SREBF2: variants seen among roughly 807,000 people sequenced by gnomAD.
SREBF2 encodes the protein sterol regulatory element-binding protein 2.
SREBF2 carries 55 observed loss-of-function variants against 113.1 expected under a neutral mutation model. That is an observed-to-expected ratio of 0.49 (90% confidence interval 0.39 to 0.61). SREBF2 has a LOEUF of 0.61. Ranked by LOEUF, SREBF2 falls within the 20% of genes least tolerant of loss-of-function variation. The pLI, the probability that SREBF2 is intolerant of heterozygous loss-of-function variation, is 0.00. For missense variants in SREBF2, 1,349 were observed against 1,487.4 expected, an observed-to-expected ratio of 0.91 and a Z score of 1.53; for synonymous variants, 593 against 605.7, an observed-to-expected ratio of 0.98 and a Z score of 0.31.
chr22:41,885,122 T>G, intron 11 of SREBF2, 111 bp downstream of exon 11: 1 of 1,304,728 alleles, frequency 7.7e-7, no homozygotes, highest in African/African-American at 1.5e-5. Context: ...GCTGCCCACC[T>G]GGAGGGGTAG....
intron 10 of SREBF2, among the ~76,000 whole-genome samples, chr22:41,882,643 T>A (rs1470985947): frequency 1.3e-5 from 2 of 152,104 alleles, no homozygotes; most frequent in Non-Finnish European, 2.9e-5. Context: ...CTGTCTCTAC[T>A]AAAAATACAA....
rs199794703 is a variant in SREBF2 at position 41,903,173 on chromosome 22, G to A, written c.3093+18G>A. On this transcript the variant is annotated intron_variant, in intron 17 of 18. Coordinates refer to ENST00000361204, the MANE Select transcript of SREBF2 (RefSeq NM_004599.4). ...ACCGCAAGGTGAGGCCCAGCTGGCT[G>A]GTGGGGCAGGGCAGATTGGAGCCTG... The A allele has an allele frequency of 1.3e-6, 2 of 1,547,366 alleles. No individual in the cohort carries two copies. The highest frequency in any genetic ancestry group is 1.4e-5 in the African/African-American group (1 of 73,042).
intron 1 of SREBF2, among the ~76,000 whole-genome samples, chr22:41,854,743 C>T (rs2076962424): frequency 6.6e-6 from 1 of 151,560 alleles, no homozygotes; most frequent in South Asian, 2.1e-4. Context: ...GTGGTACGTG[C>T]CTGTAATGCC....
rs1230025693 is a variant in SREBF2, at chr22:41,842,731, T to G, written c.88+9373T>G. ...GGGGCTGGTCACAGTGGCTCATGCC[T>G]ATAATCCCAGCACTTGGGGAGGCCG... On this transcript the variant is annotated intron_variant, in intron 1 of 18. Coordinates refer to ENST00000361204, the MANE Select transcript of SREBF2 (RefSeq NM_004599.4). 6.6e-5 allele frequency among the ~76,000 whole-genome samples: 10 copies of G among 152,286 alleles called. No individual in the cohort carries two copies. In the East Asian group the frequency reaches 1.9e-3, roughly 29 times the overall value.
Position 41,880,783 on chromosome 22 carries a change from C to T in SREBF2, c.1829C>T (p.Thr610Ile). 6.2e-7 allele frequency: 1 copy of T among 1,614,210 alleles called. No individual in the cohort carries two copies. The highest frequency in any genetic ancestry group is 1.1e-5 in the South Asian group (1 of 91,092). The change falls in exon 10 of 19, where the codon ACC becomes ATC. Residue 610 changes from threonine to isoleucine, a missense_variant. Coordinates refer to ENST00000361204, the MANE Select transcript of SREBF2 (RefSeq NM_004599.4). ...GCAGTTTTGGGCCGGGCACTGCCCA[C>T]CTCCCGCCTGGACCTGGCCTGCAGC... Reference protein sequence around the residue: ...CLAVLGRALPTSRLDLACSLS... With the variant: ...CLAVLGRALPISRLDLACSLS...
Position 41,867,075 on chromosome 22 carries a change from T to A in SREBF2, c.333T>A (p.Thr111=). ...CGGCGGCCTCCCCACAGGCTCCAAC[T>A]CTGCAAGTCAAGGTTTCTCCCACCT... ...SPSAASPQAP[T]LQVKVSPTSV... Residue 111 remains threonine, a synonymous_variant, in exon 2 of 19, where the codon ACT becomes ACA. Coordinates refer to ENST00000361204, the MANE Select transcript of SREBF2 (RefSeq NM_004599.4). The A allele has an allele frequency of 6.2e-7, 1 of 1,614,168 alleles. No individual in the cohort carries two copies. The highest frequency in any genetic ancestry group is 8.5e-7 in the Non-Finnish European group (1 of 1,180,036).
intron 11 of SREBF2, among the ~76,000 whole-genome samples, chr22:41,886,942 G>A (rs1480472904): frequency 1.3e-5 from 2 of 152,216 alleles, no homozygotes; most frequent in African/African-American, 4.8e-5. Flanking sequence ...GCTGAGACAG[G>A]AGAATCACTT....
chr22:41,866,282 G>C (rs1309255534), intron 1 of SREBF2, among the ~76,000 whole-genome samples: 1 of 151,838 alleles, frequency 6.6e-6, no homozygotes, highest in East Asian at 1.9e-4. Flanking sequence ...TGGGTGCGGT[G>C]GCTCACACCT....
intron 1 of SREBF2, among the ~76,000 whole-genome samples, chr22:41,849,759 C>T (rs4501042): frequency 0.74 from 112,188 of 152,110 alleles, 41,845 homozygotes; most frequent in African/African-American, 0.82. Context: ...GTCAAAAATA[C>T]CTTTTCCCCA....
chr22:41,851,893 G>C (rs2076935138), intron 1 of SREBF2, among the ~76,000 whole-genome samples: 1 of 152,010 alleles, frequency 6.6e-6, no homozygotes, highest in Non-Finnish European at 1.5e-5. Context: ...GGCCAAGGGG[G>C]GTGGATCACA....
At chr22:41,899,887 G>A in intron 15 of SREBF2, 1 of 1,065,296 alleles carries the variant, frequency 9.4e-7, no homozygotes, top group Non-Finnish European at 1.2e-6. Flanking sequence ...CCCATCCCTA[G>A]CCTCCCCTTC....
At position 41,868,603 on chromosome 22, in the gene SREBF2, C is replaced by G. The variant is rs1472869711; in HGVS notation, c.539-8C>G. 5.6e-6 allele frequency: 9 copies of G among 1,614,210 alleles called. No individual in the cohort carries two copies. Among genetic ancestry groups the G allele is most frequent in the South Asian group, 1.1e-5 (1 of 91,074 alleles). On this transcript the variant is annotated splice_polypyrimidine_tract_variant and splice_region_variant and intron_variant, in intron 2 of 18. Coordinates refer to ENST00000361204, the MANE Select transcript of SREBF2 (RefSeq NM_004599.4). The stretch of plus-strand genomic sequence containing the variant: ...ATCTCTGTGCCTTCTTTCTCCTCTT[C>G]TCCCAAGTCCTTCAGCCTCAAGTCC...
intron 1 of SREBF2, among the ~76,000 whole-genome samples, chr22:41,835,618 G>C (rs1244188331): frequency 6.7e-6 from 1 of 148,898 alleles, no homozygotes; most frequent in East Asian, 2.0e-4. Flanking sequence ...CCGAGCCACC[G>C]TGCCTGGCCG....
rs2229440 is a variant in SREBF2 at position 41,880,821 on chromosome 22, G to A, written c.1867G>A (p.Val623Met). 7,156 of 1,614,154 alleles carry A rather than the reference G, an allele frequency of 4.4e-3. 240 individuals are homozygous for A. In the African/African-American group the frequency reaches 0.077, roughly 17 times the overall value. ...LDLACSLSWNVIRYSLQKLRL... is the reference protein window; with the variant it reads ...LDLACSLSWNMIRYSLQKLRL... ...CCTGGCCTGCAGCCTCTCCTGGAAC[G>A]TGATCCGCTACAGCCTGCAGAAGCT... is the stretch of plus-strand genomic sequence containing the variant. Residue 623 changes from valine (V) to methionine (M), a missense_variant, in exon 10 of 19, where the codon GTG (valine) becomes ATG (methionine). Transcript: ENST00000361204.
At chr22:41,849,255 C>T (rs977537333) in intron 1 of SREBF2, among the ~76,000 whole-genome samples, 10 of 152,032 alleles carry the variant, frequency 6.6e-5, no homozygotes, top group African/African-American at 1.7e-4. Context: ...TGCAATGGCG[C>T]GATCTCAGCT....
chr22:41,854,965 C>T (rs1478032303), intron 1 of SREBF2, among the ~76,000 whole-genome samples: 1 of 150,870 alleles, frequency 6.6e-6, no homozygotes, highest in Non-Finnish European at 1.5e-5. Flanking sequence ...TAGGTTCAAG[C>T]GATCCTCCCA....
At chr22:41,899,369 A>C in intron 15 of SREBF2, 1 of 1,011,950 alleles carries the variant, frequency 9.9e-7, no homozygotes, top group Non-Finnish European at 1.2e-6. Context: ...GGCATTCGGC[A>C]CTAGTGATGG....
chr22:41,836,011 A>G (rs903488824), intron 1 of SREBF2, among the ~76,000 whole-genome samples: 9 of 152,154 alleles, frequency 5.9e-5, no homozygotes, highest in African/African-American at 2.2e-4. Flanking sequence ...GGAAACTACC[A>G]CCCTCTGGAA....
At chr22:41,902,904 G>A in intron 16 of SREBF2, 66 bp from the exon 17 acceptor site, 1 of 1,527,414 alleles carries the variant, frequency 6.5e-7, no homozygotes, top group Non-Finnish European at 8.9e-7. Context: ...CCTGGTAGGT[G>A]CTAGGATCCT....
Sources: gnomAD v4.1 joint callset for allele counts (sites outside exome capture counted in the v4.1 genomes callset) on GRCh38, gnomAD v4.1.1 for gene constraint, MANE v1.5 for transcripts, NCBI Gene and HGNC (gene_info 2026-07-23, HGNC 2026-07-21) for gene names.